The following MMAA variants were observed in gnomAD, a reference collection of about 807,000 sequenced individuals.
MMAA encodes the protein metabolism of cobalamin associated A.
In MMAA, 41 loss-of-function variants were observed where a neutral mutation model predicts 45.0. The ratio of observed to expected loss-of-function variants is 0.91; its 90% CI spans 0.71 to 1.18. The LOEUF (loss-of-function observed/expected upper bound fraction) is 1.18. Ranked by LOEUF, MMAA falls within the 50% of genes most tolerant of loss-of-function variation. The pLI, the probability that MMAA is intolerant of heterozygous loss-of-function variation, is 0.00. For missense variants in MMAA, 460 were observed against 495.7 expected (o/e 0.93, Z 0.68); for synonymous variants, 154 against 178.2 (o/e 0.86, Z 1.08).
chr4:145,620,694 G>C (rs1734072826), intron 1 of MMAA, among the ~76,000 whole-genome samples: 1 of 152,136 alleles, frequency 6.6e-6, no homozygotes, highest in African/African-American at 2.4e-5. Context: ...CCGATTGTAA[G>C]ATGAAGACTC....
chr4:145,648,309 G>A (rs947586785), intron 4 of MMAA, among the ~76,000 whole-genome samples: 8 of 151,546 alleles, frequency 5.3e-5, no homozygotes, highest in East Asian at 1.9e-4. Flanking sequence ...CACCACACCC[G>A]GCTAATTTTT....
Position 145,630,451 on chromosome 4 carries a change from G to A in MMAA, c.-65-8624G>A, listed in dbSNP as rs113170811. On this transcript the variant is annotated intron_variant, in intron 1 of 6. Transcript: ENST00000649156. ...CTCTTTAAGATGCATTGTTTAGGCCGGGTGCGGTGGCTAACACCTGTAATC... is the reference window on the plus strand; with the variant it reads ...CTCTTTAAGATGCATTGTTTAGGCCAGGTGCGGTGGCTAACACCTGTAATC... Among the ~76,000 whole-genome samples, 396 of 152,174 alleles carry A rather than the reference G, an allele frequency of 2.6e-3. 2 individuals are homozygous for A. The highest frequency in any genetic ancestry group is 8.8e-3 in the African/African-American group (364 of 41,500).
intron 1 of MMAA, among the ~76,000 whole-genome samples, chr4:145,635,873 C>G (rs1286141286): frequency 6.6e-6 from 1 of 152,168 alleles, no homozygotes; most frequent in East Asian, 1.9e-4. Flanking sequence ...TATCTACTTC[C>G]CTTTTAGCCA....
rs1467746335 is a variant in MMAA at position 145,647,843 on chromosome 4, G to A, written c.733+1687G>A. ...GTTTAGAACTTTAACATAGGAATGT[G>A]GTTTGTTTGTTTGTTTGTTTGTTTG... On this transcript the variant is annotated intron_variant, in intron 4 of 6. Coordinates refer to ENST00000649156, the MANE Select transcript of MMAA (RefSeq NM_172250.3). 2.0e-5 allele frequency among the ~76,000 whole-genome samples: 3 copies of A among 151,948 alleles called. No homozygotes were observed. In the East Asian group the frequency reaches 5.8e-4, roughly 29 times the overall value.
At chr4:145,636,264 G>T (rs1363780898) in intron 1 of MMAA, among the ~76,000 whole-genome samples, 1 of 152,164 alleles carries the variant, frequency 6.6e-6, no homozygotes, top group Admixed American at 6.5e-5. Flanking sequence ...CTTAAATCAG[G>T]CTTTTCCTTT....
In MMAA at chr4:145,640,818, G is replaced by A. The variant is rs115606455; in HGVS notation, c.439+1240G>A. 4.6e-3 allele frequency among the ~76,000 whole-genome samples: 700 copies of A among 152,212 alleles called. 7 individuals carry two copies. The highest frequency in any genetic ancestry group is 0.016 in the African/African-American group (675 of 41,536). ...TGACCAGCAGGAATTAAACAAGCCAGTTTAGGTGGAATGAGAATGTCCCAC... is the reference window on the plus strand; with the variant it reads ...TGACCAGCAGGAATTAAACAAGCCAATTTAGGTGGAATGAGAATGTCCCAC... On this transcript the variant is annotated intron_variant, in intron 2 of 6. Coordinates refer to ENST00000649156, the MANE Select transcript of MMAA (RefSeq NM_172250.3).
intron 4 of MMAA, 51 bp from the exon 5 acceptor site, chr4:145,651,011 A>C (rs1171510867): frequency 1.3e-6 from 2 of 1,515,256 alleles, no homozygotes; most frequent in South Asian, 2.2e-5. Context: ...TAGTTGAGAA[A>C]GTCAAATAAT....
chr4:145,623,641 TG>T (rs1356364647), intron 1 of MMAA, among the ~76,000 whole-genome samples: 3 of 152,226 alleles, frequency 2.0e-5, no homozygotes, highest in Non-Finnish European at 2.9e-5. Context: ...GTTAATTTTT[TG>T]TGCAAAATAC....
At chr4:145,645,868 T>C in intron 3 of MMAA, 118 bp from the exon 4 acceptor site, 1 of 872,832 alleles carries the variant, frequency 1.1e-6, no homozygotes, top group South Asian at 1.5e-5. Context: ...AGCTCAGTAA[T>C]ATGAAATGCA....
chr4:145,625,828 G>A lies in MMAA; in HGVS notation c.-66+6421G>A, dbSNP rs541813080. ...TAGATGAGGTCCACCTGTTCATTTA[G>A]TCACACCTCATGGCTTCTAAGACGT... is the stretch of plus-strand genomic sequence containing the variant. On this transcript the variant is annotated intron_variant, in intron 1 of 6. Coordinates refer to ENST00000649156, the MANE Select transcript of MMAA (RefSeq NM_172250.3). The A allele has an allele frequency of 3.6e-5, 44 of 1,205,752 alleles. No individual in the cohort carries two copies. The East Asian group carries it at 8.8e-4, about 24-fold the overall frequency. 74.7% of individuals were successfully genotyped at this position (1,205,752 alleles called of 1,614,324 possible).
rs2126607981 is a variant in MMAA, at chr4:145,625,826, T to C, written c.-66+6419T>C. 6 of 1,183,640 alleles carry C rather than the reference T, an allele frequency of 5.1e-6. No individual in the cohort carries two copies. The South Asian group carries it at 7.4e-5, about 15-fold the overall frequency. The allele number at this position is 1,183,640 out of a possible 1,614,324, so 73.3% of individuals were successfully genotyped here. A position where few individuals can be genotyped will look rare whatever the true frequency, so the allele number is the denominator to read the frequency against. ...GATAGATGAGGTCCACCTGTTCATTTAGTCACACCTCATGGCTTCTAAGAC... is the reference window on the plus strand; with the variant it reads ...GATAGATGAGGTCCACCTGTTCATTCAGTCACACCTCATGGCTTCTAAGAC... On this transcript the variant is annotated intron_variant, in intron 1 of 6. Coordinates refer to ENST00000649156, the MANE Select transcript of MMAA (RefSeq NM_172250.3).
At chr4:145,624,397 T>A in intron 1 of MMAA, 1 of 781,870 alleles carries the variant, frequency 1.3e-6, no homozygotes, top group South Asian at 1.4e-5. Context: ...CAGTCAGCTG[T>A]GTTAAAGGAA....
rs1292704280 is a variant in MMAA at position 145,639,112 on chromosome 4, G to T, written c.-28G>T. On this transcript the variant is annotated 5_prime_UTR_variant, in exon 2 of 7. Coordinates refer to ENST00000649156, the MANE Select transcript of MMAA (RefSeq NM_172250.3). ...CACATTGAGCCAAAACGCATCCAGTGTTTTCTCCAGTTACAAATAAAACGA... is the reference window on the plus strand; with the variant it reads ...CACATTGAGCCAAAACGCATCCAGTTTTTTCTCCAGTTACAAATAAAACGA... 1.2e-6 allele frequency: 2 copies of T among 1,612,220 alleles called. No homozygotes were observed. The highest frequency in any genetic ancestry group is 2.7e-5 in the African/African-American group (2 of 74,880).
intron 5 of MMAA, among the ~76,000 whole-genome samples, chr4:145,652,903 T>C (rs1728136856): frequency 6.6e-6 from 1 of 151,622 alleles, no homozygotes; most frequent in Non-Finnish European, 1.5e-5. Context: ...AGGGTCTCAC[T>C]CTGTTTCCCA....
intron 1 of MMAA, chr4:145,624,871 T>A: frequency 6.2e-7 from 1 of 1,609,570 alleles, no homozygotes; most frequent in Non-Finnish European, 8.5e-7. Context: ...TCTGTAACCA[T>A]GCTGGGGGTG....
chr4:145,624,613 C>T lies in MMAA; in HGVS notation c.-66+5206C>T. The T allele has an allele frequency of 2.2e-6, 3 of 1,348,766 alleles. No individual in the cohort carries two copies. The South Asian group carries it at 3.8e-5, about 17-fold the overall frequency. The allele number at this position is 1,348,766 out of a possible 1,614,324, so 83.5% of individuals were successfully genotyped here. On this transcript the variant is annotated intron_variant, in intron 1 of 6. Transcript: ENST00000649156. ...AACCATTGACTTTGGTGCTTTAGTT[C>T]TATTACTTCTTTACTAGAAGGACAG...
chr4:145,625,090 T>A, intron 1 of MMAA: 1 of 988,344 alleles, frequency 1.0e-6, no homozygotes, highest in South Asian at 1.3e-5. Flanking sequence ...GCTTATGGGA[T>A]TCCTGGAGAG....
At chr4:145,620,565 G>C (rs72723804) in intron 1 of MMAA, among the ~76,000 whole-genome samples, 11,560 of 152,188 alleles carry the variant, frequency 0.076, 568 homozygotes, top group South Asian at 0.15. Context: ...TTCTGTGGGT[G>C]GGCCAGGTGC....
In MMAA at chr4:145,642,373, GC is replaced by G. The variant is rs1553958127; in HGVS notation, c.455del (p.Pro152LeufsTer9). 1 of 1,613,874 alleles carries G rather than the reference GC, an allele frequency of 6.2e-7. No homozygotes were observed. ...PLAFRVGLSG[P>X]PGAGKSTFIE... ...CTCTTTCCACCGTAGGATTGTCTGG[GC>G]CCCCTGGTGCTGGAAAATCAACATT... On this transcript the variant is annotated frameshift_variant, in exon 3 of 7. Coordinates refer to ENST00000649156, the MANE Select transcript of MMAA (RefSeq NM_172250.3). LOFTEE classifies it high-confidence loss of function.
Sources: gnomAD v4.1 joint callset for allele counts (sites outside exome capture counted in the v4.1 genomes callset) on GRCh38, gnomAD v4.1.1 for gene constraint, MANE v1.5 for transcripts, NCBI Gene and HGNC (gene_info 2026-07-23, HGNC 2026-07-21) for gene names.